Variants in PHLDB2 observed in about 807,000 individuals in gnomAD.
PHLDB2 encodes pleckstrin homology like domain family B member 2.
Under a neutral mutation model 123.6 loss-of-function variants are expected in PHLDB2, and 71 were observed. That is an observed-to-expected ratio of 0.57 (90% CI 0.47 to 0.70). PHLDB2 has a LOEUF of 0.70. Ranked by LOEUF, PHLDB2 falls within the 30% of genes least tolerant of loss-of-function variation. The probability of loss-of-function intolerance (pLI) is 0.00; values close to 1 mark genes in which losing one functional copy is unlikely to be tolerated. For missense variants in PHLDB2, 1,446 were observed against 1,519.5 expected, an observed-to-expected ratio of 0.95 and a Z score of 0.80; for synonymous variants, 547 against 541.6, an observed-to-expected ratio of 1.01 and a Z score of -0.14.
At chr3:111,835,779 G>A (rs1278153968) in intron 1 of PHLDB2, among the ~76,000 whole-genome samples, 3 of 152,170 alleles carry the variant, frequency 2.0e-5, no homozygotes, top group African/African-American at 7.2e-5. Context: ...CTGTCACCAG[G>A]AACACCTTAC....
At chr3:111,894,781 T>G (rs1006464809) in intron 2 of PHLDB2, among the ~76,000 whole-genome samples, 6 of 152,178 alleles carry the variant, frequency 3.9e-5, no homozygotes, top group Non-Finnish European at 7.3e-5. Context: ...TAAATTTGTT[T>G]GAGTTCATTG....
rs758407263 is a variant in PHLDB2 at position 111,962,243 on chromosome 3, C to G, written c.3008C>G (p.Thr1003Ser). Residue 1003 changes from threonine to serine, a missense_variant, in exon 13 of 18, where the codon ACT (threonine) becomes AGT (serine). This residue lies in a region of PHLDB2 where 594 missense variants were observed against 646.0 expected (regional missense o/e 0.92). Transcript: ENST00000431670. ...DHSYKDQAFDTLSLDSSDSME... is the reference protein window; with the variant it reads ...DHSYKDQAFDSLSLDSSDSME... Reference sequence around the variant, plus strand: ...AGCTACAAGGACCAGGCCTTTGATACTCTGAGCCTCGATAGCTCTGATAGC... The same window carrying G: ...AGCTACAAGGACCAGGCCTTTGATAGTCTGAGCCTCGATAGCTCTGATAGC... 2.5e-6 allele frequency: 4 copies of G among 1,579,872 alleles called. No individual in the cohort carries two copies. In the Admixed American group the frequency reaches 8.3e-5, roughly 33 times the overall value.
chr3:111,827,016 A>G (rs932017307), intron 1 of PHLDB2, among the ~76,000 whole-genome samples: 1 of 152,248 alleles, frequency 6.6e-6, no homozygotes, highest in Non-Finnish European at 1.5e-5. Context: ...CTTTTTGTGC[A>G]TTAGCTCATG....
At chr3:111,905,979 G>A (rs1273708912) in intron 2 of PHLDB2, among the ~76,000 whole-genome samples, 4 of 152,166 alleles carry the variant, frequency 2.6e-5, no homozygotes, top group African/African-American at 7.2e-5. Context: ...TTTGGTCAAC[G>A]ATGGACCACA....
At chr3:111,803,590 C>T (rs1241135217) in intron 1 of PHLDB2, among the ~76,000 whole-genome samples, 2 of 152,096 alleles carry the variant, frequency 1.3e-5, no homozygotes, top group Admixed American at 6.5e-5. Flanking sequence ...CCATCTCACC[C>T]ACCAGCAATC....
At chr3:111,925,521 CAT>C (rs2068763463) in intron 5 of PHLDB2, among the ~76,000 whole-genome samples, 1 of 152,202 alleles carries the variant, frequency 6.6e-6, no homozygotes. Flanking sequence ...CTAACTCAGA[CAT>C]AAATCTGGAG....
intron 2 of PHLDB2, among the ~76,000 whole-genome samples, chr3:111,912,614 A>G (rs2067954298): frequency 6.6e-6 from 1 of 152,234 alleles, no homozygotes; most frequent in Admixed American, 6.5e-5. Context: ...AATTGAAGAC[A>G]TAGGTCTTTT....
At chr3:111,922,246 A>G (rs751973209) in intron 5 of PHLDB2, among the ~76,000 whole-genome samples, 2 of 152,340 alleles carry the variant, frequency 1.3e-5, no homozygotes, top group Middle Eastern at 3.4e-3. Context: ...CACATATGGC[A>G]TGGCCTGCAA....
At position 111,954,028 on chromosome 3, in the gene PHLDB2, A is replaced by G. The variant is rs565716987; in HGVS notation, c.2871A>G (p.Arg957=). The G allele has an allele frequency of 4.0e-5, 64 of 1,612,270 alleles. No individual in the cohort carries two copies. The highest frequency in any genetic ancestry group is 4.8e-5 in the Non-Finnish European group (56 of 1,178,678). ...AKDSESRRML[R]GYNHQQMSEG... ...ACTCAGAATCTCGGAGGATGCTCAG[A>G]GGTACGTACCTTTTAAATCAAGTGT... The change falls in exon 12 of 18, where the codon AGA becomes AGG. Residue 957 remains arginine, a splice_region_variant and synonymous_variant. Coordinates refer to ENST00000431670, the MANE Select transcript of PHLDB2 (RefSeq NM_001134438.2).
rs1010484893 is a variant in PHLDB2 at position 111,841,568 on chromosome 3, A to G, written c.-48-4253A>G. ...AACTTTTGTTCTTTTCTTCTCACTC[A>G]TAACCTCTTCAAATAGAATAAAGAG... On this transcript the variant is annotated intron_variant, in intron 1 of 17. Transcript: ENST00000393923. Among the ~76,000 whole-genome samples, 4 of 152,142 alleles carry G rather than the reference A, an allele frequency of 2.6e-5. No homozygotes were observed. In the South Asian group the frequency reaches 8.3e-4, roughly 32 times the overall value.
At chr3:111,872,279 A>G (rs935159050) in intron 1 of PHLDB2, among the ~76,000 whole-genome samples, 3 of 152,166 alleles carry the variant, frequency 2.0e-5, no homozygotes, top group Middle Eastern at 6.8e-3. Context: ...TTTCACTGGG[A>G]CCTCTTTTTT....
intron 2 of PHLDB2, among the ~76,000 whole-genome samples, chr3:111,892,282 C>T (rs1227730079): frequency 1.3e-5 from 2 of 152,126 alleles, no homozygotes; most frequent in African/African-American, 4.8e-5. Flanking sequence ...GTCAGCAATT[C>T]CTACCATTGA....
At chr3:111,919,803 A>G (rs1182694478) in intron 4 of PHLDB2, among the ~76,000 whole-genome samples, 8 of 152,192 alleles carry the variant, frequency 5.3e-5, no homozygotes, top group Non-Finnish European at 1.2e-4. Flanking sequence ...AGATGATACC[A>G]ATAGGCCCTT....
chr3:111,904,479 A>G (rs1344665519), intron 2 of PHLDB2, among the ~76,000 whole-genome samples: 2 of 152,142 alleles, frequency 1.3e-5, no homozygotes, highest in East Asian at 3.9e-4. Flanking sequence ...CGGGATGTCC[A>G]GTCTGCATAA....
intron 1 of PHLDB2, among the ~76,000 whole-genome samples, chr3:111,868,253 C>G (rs184881766): frequency 2.0e-5 from 3 of 152,280 alleles, no homozygotes; most frequent in Non-Finnish European, 4.4e-5. Flanking sequence ...CTCCTAGGCT[C>G]AAGCAATCCT....
chr3:111,814,440 C>A (rs2061980321), intron 1 of PHLDB2, among the ~76,000 whole-genome samples: 1 of 152,018 alleles, frequency 6.6e-6, no homozygotes, highest in Non-Finnish European at 1.5e-5. Flanking sequence ...TTGAAGACAG[C>A]CTATTGTGAG....
chr3:111,903,357 G>T (rs1166499414), intron 2 of PHLDB2, among the ~76,000 whole-genome samples: 1 of 152,142 alleles, frequency 6.6e-6, no homozygotes. Flanking sequence ...CTCTGTAGTG[G>T]TGAGCGTGGG....
intron 1 of PHLDB2, among the ~76,000 whole-genome samples, chr3:111,875,884 C>G (rs1407239128): frequency 6.7e-6 from 1 of 150,096 alleles, no homozygotes; most frequent in Non-Finnish European, 1.5e-5. Context: ...GCTACATATT[C>G]TAGTATTTTA....
intron 4 of PHLDB2, among the ~76,000 whole-genome samples, chr3:111,919,482 G>C (rs895477149): frequency 6.6e-6 from 1 of 151,652 alleles, no homozygotes; most frequent in Non-Finnish European, 1.5e-5. Context: ...AAACTAGTAC[G>C]TGCTTTCTGA....
Sources: gnomAD v4.1 joint callset for allele counts (sites outside exome capture counted in the v4.1 genomes callset) on GRCh38, gnomAD v4.1.1 for gene constraint, gnomAD v4.1.1 regional missense constraint, MANE v1.5 for transcripts, NCBI Gene and HGNC (gene_info 2026-07-23, HGNC 2026-07-21) for gene names.